MECOM: variants seen among roughly 807,000 people sequenced by gnomAD.
MECOM encodes the protein MDS1 and EVI1 complex locus.
A neutral mutation model predicts 116.3 loss-of-function variants in MECOM; 13 were observed. That is an observed-to-expected ratio of 0.11 (90% CI 0.07 to 0.18). The LOEUF (loss-of-function observed/expected upper bound fraction) is 0.18. MECOM is among the 10% of genes least tolerant of loss of function. The pLI is 1.00. For missense variants in MECOM, 1,299 were observed against 1,509.0 expected (o/e 0.86, Z 2.31); for synonymous variants, 528 against 535.2 (o/e 0.99, Z 0.19).
At chr3:169,108,927 C>T (rs777724424) in intron 9 of MECOM, among the ~76,000 whole-genome samples, 11 of 152,126 alleles carry the variant, frequency 7.2e-5, no homozygotes, top group Non-Finnish European at 1.6e-4. Flanking sequence ...GAGTCTGTTG[C>T]AGATGTACTC....
chr3:169,127,296 G>A (rs1353419023), intron 5 of MECOM, among the ~76,000 whole-genome samples: 10 of 152,106 alleles, frequency 6.6e-5, no homozygotes, highest in Non-Finnish European at 8.8e-5. Context: ...CTTCATTTAC[G>A]TTATTGTGTT....
chr3:169,097,817 T>TAAAAAA (rs539873617), intron 12 of MECOM, among the ~76,000 whole-genome samples: 6 of 87,210 alleles, frequency 6.9e-5, no homozygotes, highest in Non-Finnish European at 8.9e-5. Context: ...ACTGTCTATA[T>TAAAAAA]AAAAAAAAAA....
At chr3:169,485,941 G>GTATATATA (rs1214145629) in intron 1 of MECOM, among the ~76,000 whole-genome samples, 2 of 36,032 alleles carry the variant, frequency 5.6e-5, no homozygotes, top group African/African-American at 2.7e-4. Flanking sequence ...TAGTATATAT[G>GTATATATA]TATGTATATA....
At chr3:169,644,040 C>A (rs144849115) in intron 1 of MECOM, among the ~76,000 whole-genome samples, 3 of 152,110 alleles carry the variant, frequency 2.0e-5, no homozygotes, top group African/African-American at 4.8e-5. Context: ...TTATTTCAAG[C>A]CTCAACTGTA....
intron 2 of MECOM, among the ~76,000 whole-genome samples, chr3:169,159,034 G>C (rs1477157976): frequency 6.6e-6 from 1 of 152,148 alleles, no homozygotes; most frequent in Non-Finnish European, 1.5e-5. Context: ...AAGGTGATGG[G>C]CTGAACATGG....
intron 1 of MECOM, among the ~76,000 whole-genome samples, chr3:169,450,414 T>TC (rs1745360266): frequency 6.6e-6 from 1 of 152,122 alleles, no homozygotes; most frequent in Non-Finnish European, 1.5e-5. Flanking sequence ...AAGGCCATGT[T>TC]CCTTGCAGGT....
At chr3:169,634,826 G>A (rs556273389) in intron 1 of MECOM, among the ~76,000 whole-genome samples, 3 of 152,048 alleles carry the variant, frequency 2.0e-5, no homozygotes, top group South Asian at 2.1e-4. Context: ...TAGATGCACC[G>A]CCCACAACCC....
intron 2 of MECOM, among the ~76,000 whole-genome samples, chr3:169,187,430 A>AT (rs1746932414): frequency 6.6e-6 from 1 of 152,114 alleles, no homozygotes; most frequent in Non-Finnish European, 1.5e-5. Flanking sequence ...ACACGTTACA[A>AT]TTTTTTGCCT....
chr3:169,576,838 C>CACAGAGAGAGAG (rs368016499), intron 1 of MECOM, among the ~76,000 whole-genome samples: 2,618 of 124,782 alleles, frequency 0.021, 27 homozygotes, highest in East Asian at 0.054. Flanking sequence ...CACACACACA[C>CACAGAGAGAGAG]AGAGAGAGAG....
intron 1 of MECOM, among the ~76,000 whole-genome samples, chr3:169,661,726 A>G (rs1172209034): frequency 6.6e-6 from 1 of 152,218 alleles, no homozygotes; most frequent in East Asian, 1.9e-4. Flanking sequence ...GGGCTGCTGC[A>G]GGGACGCAGT....
At chr3:169,289,018 C>T (rs1001972036) in intron 2 of MECOM, among the ~76,000 whole-genome samples, 4 of 152,130 alleles carry the variant, frequency 2.6e-5, no homozygotes, top group Non-Finnish European at 2.9e-5. Context: ...CGCTGGTGGA[C>T]GTCGTTGCAT....
At chr3:169,582,027 T>C (rs562851015) in intron 1 of MECOM, among the ~76,000 whole-genome samples, 3 of 152,358 alleles carry the variant, frequency 2.0e-5, no homozygotes, top group African/African-American at 7.2e-5. Context: ...TCCCAAATAT[T>C]CCTTCTATAA....
At chr3:169,218,686 A>G (rs1253017057) in intron 2 of MECOM, among the ~76,000 whole-genome samples, 2 of 152,154 alleles carry the variant, frequency 1.3e-5, no homozygotes, top group Non-Finnish European at 2.9e-5. Context: ...TTCACATACT[A>G]CAGAATGCAG....
At position 169,093,089 on chromosome 3, in the gene MECOM, C is replaced by T. The variant is rs762396273; in HGVS notation, c.3033G>A (p.Ser1011=). 34 of 1,610,654 alleles carry T rather than the reference C, an allele frequency of 2.1e-5. No individual in the cohort carries two copies. In the Admixed American group the frequency reaches 2.4e-4, roughly 11 times the overall value. ...TACTTTCCAGTTCAGAATGAGGCGACGATGTTGCTGTACCTGTGTGGAGCA... is the reference window on the plus strand; with the variant it reads ...TACTTTCCAGTTCAGAATGAGGCGATGATGTTGCTGTACCTGTGTGGAGCA... ...ENGNMSGTAT[S]SPHSELESTG... The change falls in exon 14 of 17, where the codon TCG becomes TCA. Residue 1011 remains serine (S), a synonymous_variant. Coordinates refer to ENST00000651503, the MANE Select transcript of MECOM (RefSeq NM_004991.4).
chr3:169,585,136 T>C (rs1765634551), intron 1 of MECOM, among the ~76,000 whole-genome samples: 1 of 152,218 alleles, frequency 6.6e-6, no homozygotes, highest in South Asian at 2.1e-4. Context: ...TTAGAGGTCT[T>C]AGAAATCTTT....
intron 1 of MECOM, among the ~76,000 whole-genome samples, chr3:169,456,115 C>T (rs1746446620): frequency 6.6e-6 from 1 of 152,092 alleles, no homozygotes; most frequent in South Asian, 2.1e-4. Context: ...GGTCTGGCAA[C>T]ATGGGATCCA....
intron 2 of MECOM, among the ~76,000 whole-genome samples, chr3:169,279,419 A>G (rs1055493762): frequency 2.0e-5 from 3 of 152,186 alleles, no homozygotes; most frequent in African/African-American, 4.8e-5. Context: ...GTAGTTGTTC[A>G]GTGGGAAATA....
intron 2 of MECOM, among the ~76,000 whole-genome samples, chr3:169,288,086 A>G (rs1241710902): frequency 6.6e-6 from 1 of 152,174 alleles, no homozygotes; most frequent in Non-Finnish European, 1.5e-5. Context: ...TGGTGATATA[A>G]AACAGTAAGA....
chr3:169,433,191 G>A (rs536020057), intron 1 of MECOM, among the ~76,000 whole-genome samples: 21 of 152,160 alleles, frequency 1.4e-4, no homozygotes, highest in South Asian at 1.0e-3. Flanking sequence ...TGACTAGGCC[G>A]GGCATGGTGA....
Sources: allele counts gnomAD v4.1 joint callset (sites outside exome capture counted in the v4.1 genomes callset), GRCh38; gene constraint gnomAD v4.1.1; transcripts MANE v1.5; gene names NCBI Gene and HGNC (gene_info 2026-07-23, HGNC 2026-07-21).